The following DNAH6 variants were observed in gnomAD, a reference collection of about 807,000 sequenced individuals.
DNAH6 encodes axonemal beta dynein heavy chain 6.
Under a neutral mutation model 491.4 loss-of-function variants are expected in DNAH6, and 340 were observed. The observed-to-expected ratio is 0.69, with a 90% CI of 0.63 to 0.76. The LOEUF (loss-of-function observed/expected upper bound fraction) is 0.76, where lower values mean the gene tolerates loss of function less well. DNAH6 is among the 30% of genes least tolerant of loss of function. DNAH6 has a pLI of 0.00. For missense variants in DNAH6, 4,443 were observed against 4,972.2 expected (o/e 0.89, Z 3.20); for synonymous variants, 1,603 against 1,686.1 (o/e 0.95, Z 1.21).
At chr2:84,678,681 A>T (rs188571042) in intron 41 of DNAH6, among the ~76,000 whole-genome samples, 1 of 152,272 alleles carries the variant, frequency 6.6e-6, no homozygotes, top group East Asian at 1.9e-4. Context: ...TATCATGTCC[A>T]TGGAAATGTG....
intron 18 of DNAH6, among the ~76,000 whole-genome samples, chr2:84,602,911 ATTCT>A (rs1267136671): frequency 6.7e-6 from 1 of 148,166 alleles, no homozygotes; most frequent in Admixed American, 6.8e-5. Context: ...CTTTAAAGGC[ATTCT>A]TTATCTCTTA....
At chr2:84,575,568 C>T (rs1049873785) in intron 12 of DNAH6, among the ~76,000 whole-genome samples, 1 of 152,310 alleles carries the variant, frequency 6.6e-6, no homozygotes, top group African/African-American at 2.4e-5. Context: ...ATTTCTCTGA[C>T]TTGAAAGCTT....
At chr2:84,592,357 A>G (rs1684196394) in intron 16 of DNAH6, among the ~76,000 whole-genome samples, 1 of 152,194 alleles carries the variant, frequency 6.6e-6, no homozygotes, top group African/African-American at 2.4e-5. Flanking sequence ...CCCAACATCA[A>G]TAATCATCAG....
chr2:84,768,526 C>A (rs1675301922), intron 64 of DNAH6, among the ~76,000 whole-genome samples: 1 of 151,738 alleles, frequency 6.6e-6, no homozygotes, highest in Non-Finnish European at 1.5e-5. Flanking sequence ...GCATAAATAG[C>A]ATTTCTGAAT....
At chr2:84,677,865 A>G (rs1164350434) in intron 41 of DNAH6, among the ~76,000 whole-genome samples, 1 of 152,210 alleles carries the variant, frequency 6.6e-6, no homozygotes, top group Non-Finnish European at 1.5e-5. Flanking sequence ...TCTTAGGAAC[A>G]GGAAGTGCTG....
In DNAH6 at chr2:84,588,832, C is replaced by T. The variant is rs1479408359; in HGVS notation, c.2488C>T (p.Gln830Ter). ...AACTGTCTTAAATTTATAGGATCCA[C>T]AGATTTTAGATATCTCTGCTGACCA... ...NEVKLQAQDPQILDISADQDK... is the reference protein window; with the variant it reads ...NEVKLQAQDP The change falls in exon 16 of 77, where the codon CAG becomes TAG. Residue 830 changes from glutamine to a stop codon, truncating the protein, a stop_gained. Coordinates refer to ENST00000389394, the MANE Select transcript of DNAH6 (RefSeq NM_001370.2). LOFTEE classifies it high-confidence loss of function. 6.5e-7 allele frequency: 1 copy of T among 1,536,808 alleles called. No individual in the cohort carries two copies. The highest frequency in any genetic ancestry group is 8.8e-7 in the Non-Finnish European group (1 of 1,141,450).
At chr2:84,480,968 AAAAAG>A in the DNAH6 span, among the ~76,000 whole-genome samples, 3 of 152,128 alleles carry the variant, frequency 2.0e-5, no homozygotes, top group African/African-American at 4.8e-5. Flanking sequence ...GTCTCAAAAA[AAAAAG>A]AAAAAAAAAA....
At position 84,658,393 on chromosome 2, in the gene DNAH6, A is replaced by G; in HGVS notation, c.5859A>G (p.Gln1953=). 1 of 1,549,666 alleles carries G rather than the reference A, an allele frequency of 6.5e-7. No individual in the cohort carries two copies. The highest frequency in any genetic ancestry group is 8.7e-7 in the Non-Finnish European group (1 of 1,145,770). The change falls in exon 36 of 77, where the codon CAA becomes CAG. Residue 1953 remains glutamine, a synonymous_variant. Transcript: ENST00000389394. ...INKKCSQAIP[Q]VDISKVTTLC... ...AAAAGTGCAGCCAAGCAATTCCACA[A>G]GTGGACATCAGCAAAGTTACTACAC...
At chr2:84,511,005 G>A in the DNAH6 span, among the ~76,000 whole-genome samples, 4 of 152,166 alleles carry the variant, frequency 2.6e-5, no homozygotes, top group Admixed American at 1.3e-4. Context: ...CCTCCCAGTT[G>A]GGCTACTCGG....
chr2:84,504,165 T>C, the DNAH6 span, among the ~76,000 whole-genome samples: 2 of 152,320 alleles, frequency 1.3e-5, no homozygotes, highest in South Asian at 4.1e-4. Context: ...TTCCTTCCTT[T>C]GCTTGATCAA....
chr2:84,736,912 T>C (rs1425288436), intron 62 of DNAH6, among the ~76,000 whole-genome samples: 2 of 152,078 alleles, frequency 1.3e-5, no homozygotes, highest in African/African-American at 2.4e-5. Context: ...TTCCAGTTCT[T>C]ATGGGGGAAT....
intron 57 of DNAH6, among the ~76,000 whole-genome samples, chr2:84,713,704 G>C (rs938209979): frequency 6.6e-6 from 1 of 152,188 alleles, no homozygotes; most frequent in African/African-American, 2.4e-5. Context: ...GCTGGGGTTG[G>C]GGGGAGGAGG....
Position 84,625,016 on chromosome 2 carries a change from G to T in DNAH6, c.4468G>T (p.Ala1490Ser), listed in dbSNP as rs1251586150. The change falls in exon 29 of 77, where the codon GCC becomes TCC. Residue 1490 changes from alanine (A) to serine (S), a missense_variant. Ala to Ser is a moderately conservative substitution (Grantham distance 99). Transcript: ENST00000389394. ...TACCAAAGATCTGGCAAAAGCTCTTGCCATCCAGTGTGTGGTCTTTAACTG... is the reference window on the plus strand; with the variant it reads ...TACCAAAGATCTGGCAAAAGCTCTTTCCATCCAGTGTGTGGTCTTTAACTG... ...ETTKDLAKAL[A>S]IQCVVFNCSD... 6.4e-7 allele frequency: 1 copy of T among 1,551,524 alleles called. No homozygotes were observed. Among genetic ancestry groups the T allele is most frequent in the African/African-American group, 1.4e-5 (1 of 73,144 alleles).
chr2:84,777,570 A>G, intron 64 of DNAH6: 1 of 784,942 alleles, frequency 1.3e-6, no homozygotes, highest in Non-Finnish European at 2.3e-6. Flanking sequence ...ACCTCTTTCC[A>G]CTGTTACTTA....
intron 4 of DNAH6, among the ~76,000 whole-genome samples, chr2:84,534,268 T>TA (rs1373893140): frequency 3.1e-4 from 47 of 151,878 alleles, no homozygotes; most frequent in African/African-American, 1.0e-3. Flanking sequence ...ACTTATTTTT[T>TA]AAAAAAAAAC....
At chr2:84,472,733 A>G in the DNAH6 span, among the ~76,000 whole-genome samples, 7 of 152,344 alleles carry the variant, frequency 4.6e-5, no homozygotes, top group East Asian at 1.4e-3. Context: ...AGCTGCAGAC[A>G]CCAATGCATC....
chr2:84,811,046 A>C (rs1679921329), intron 72 of DNAH6, among the ~76,000 whole-genome samples: 2 of 152,194 alleles, frequency 1.3e-5, no homozygotes, highest in Admixed American at 1.3e-4. Flanking sequence ...GCTCTGGCTA[A>C]GGGCCTCTTT....
In DNAH6 at chr2:84,602,231, C is replaced by T. The variant is rs531623254; in HGVS notation, c.2869-2108C>T. ...CTGACTCATAACATGTTCATTCAGC[C>T]TAAAGAATATCCTTTAATATTTCTT... On this transcript the variant is annotated intron_variant, in intron 18 of 76. Transcript: ENST00000389394. Among the ~76,000 whole-genome samples the T allele has an allele frequency of 3.3e-5, 5 of 152,082 alleles. No individual in the cohort carries two copies. The East Asian group carries it at 9.7e-4, about 29-fold the overall frequency.
At chr2:84,722,303 G>A (rs746278542) in intron 59 of DNAH6, among the ~76,000 whole-genome samples, 1 of 152,154 alleles carries the variant, frequency 6.6e-6, no homozygotes, top group Non-Finnish European at 1.5e-5. Context: ...AAGTTCGGGA[G>A]CAATTAGGAG....
Sources: gnomAD v4.1 joint callset for allele counts (sites outside exome capture counted in the v4.1 genomes callset) on GRCh38, gnomAD v4.1.1 for gene constraint, MANE v1.5 for transcripts, NCBI Gene and HGNC (gene_info 2026-07-23, HGNC 2026-07-21) for gene names.